Variants in DENND4A observed in about 807,000 individuals in gnomAD.
DENND4A encodes the protein DENN domain containing 4A, also known as C-myc promoter-binding protein.
In DENND4A, 70 loss-of-function variants were observed where a neutral mutation model predicts 199.3. The observed-to-expected ratio is 0.35, with a 90% CI of 0.29 to 0.43. The LOEUF (loss-of-function observed/expected upper bound fraction) is 0.43, where lower values mean the gene tolerates loss of function less well. DENND4A is among the 20% of genes least tolerant of loss of function. The pLI, the probability that DENND4A is intolerant of heterozygous loss-of-function variation, is 1.00. For synonymous variants in DENND4A, 686 were observed against 766.9 expected, an observed-to-expected ratio of 0.89 and a Z score of 1.74; for missense variants, 1,723 against 2,255.8, an observed-to-expected ratio of 0.76 and a Z score of 4.78.
intron 2 of DENND4A, among the ~76,000 whole-genome samples, chr15:65,760,095 C>G (rs909517286): frequency 6.6e-6 from 1 of 152,136 alleles, no homozygotes; most frequent in Non-Finnish European, 1.5e-5. Context: ...ATTATAAGCT[C>G]TAAATACACA....
intron 23 of DENND4A, among the ~76,000 whole-genome samples, 190 bp downstream of exon 23, chr15:65,690,225 C>A (rs907188029): frequency 3.9e-5 from 6 of 152,188 alleles, no homozygotes; most frequent in African/African-American, 1.4e-4. Flanking sequence ...ACAAATATAA[C>A]CTTAGTAAGT....
chr15:65,690,596 C>A lies in DENND4A; in HGVS notation c.3998G>T (p.Cys1333Phe). 1 of 1,613,528 alleles carries A rather than the reference C, an allele frequency of 6.2e-7. No homozygotes were observed. The highest frequency in any genetic ancestry group is 8.5e-7 in the Non-Finnish European group (1 of 1,179,702). The change falls in exon 23 of 33, where the codon TGC becomes TTC. Residue 1333 changes from cysteine (C) to phenylalanine (F), a missense_variant. Cys to Phe is a radical substitution (Grantham distance 205, BLOSUM62 -2). Around this residue, in one of 6 missense-constraint regions of DENND4A, gnomAD observed 650 missense variants for 738.1 expected, o/e 0.88. Transcript: ENST00000443035. ...LWSSPAFSPT[C>F]PFREESQDTL... is the part of the protein sequence containing the mutation. ...ATCCTGAGATTCTTCCCTAAATGGG[C>A]AAGTAGGTGAGAAGGCTGGAGAAGA...
chr15:65,669,817 T>A lies in DENND4A; in HGVS notation c.4749A>T (p.Thr1583=). 1 of 1,613,674 alleles carries A rather than the reference T, an allele frequency of 6.2e-7. No homozygotes were observed. Among genetic ancestry groups the A allele is most frequent in the African/African-American group, 1.3e-5 (1 of 75,040 alleles). The change falls in exon 27 of 33, where the codon ACA becomes ACT. Residue 1583 remains threonine, a synonymous_variant. Transcript: ENST00000443035. The part of the protein sequence containing the change: ...CISTSASGLD[T]SALSVQGNFD... ...AATTCCCTTGAACAGAGAGAGCAGA[T>A]GTGTCAAGACCAGAGGCTGATGTTG...
intron 13 of DENND4A, among the ~76,000 whole-genome samples, chr15:65,717,534 T>C (rs77441757): frequency 0.012 from 1,800 of 152,272 alleles, 47 homozygotes; most frequent in African/African-American, 0.042. Flanking sequence ...CACAAAAGTG[T>C]AGTCGGTATA....
chr15:65,764,990 A>C (rs1248694948), intron 1 of DENND4A, among the ~76,000 whole-genome samples: 1 of 151,932 alleles, frequency 6.6e-6, no homozygotes, highest in Admixed American at 6.6e-5. Flanking sequence ...AAAAAAAAAA[A>C]AGTAACATTT....
chr15:65,744,391 T>TG (rs2076333842), intron 4 of DENND4A, among the ~76,000 whole-genome samples: 1 of 152,154 alleles, frequency 6.6e-6, no homozygotes, highest in Non-Finnish European at 1.5e-5. Flanking sequence ...CGGTCTGAAA[T>TG]GGACACACAA....
At chr15:65,775,176 T>C (rs144337256) in intron 1 of DENND4A, among the ~76,000 whole-genome samples, 356 of 151,754 alleles carry the variant, frequency 2.3e-3, no homozygotes, top group African/African-American at 8.3e-3. Context: ...AGACCCCATC[T>C]CTACAAAAAA....
chr15:65,682,982 G>C (rs1345833393), intron 23 of DENND4A, among the ~76,000 whole-genome samples: 1 of 152,026 alleles, frequency 6.6e-6, no homozygotes, highest in Non-Finnish European at 1.5e-5. Context: ...ATAACATCAA[G>C]GATCATGGAT....
intron 6 of DENND4A, among the ~76,000 whole-genome samples, chr15:65,738,268 A>C (rs1438416530): frequency 6.6e-6 from 1 of 152,214 alleles, no homozygotes; most frequent in Admixed American, 6.5e-5. Flanking sequence ...ATGAAACTTT[A>C]GATAACGAAA....
At chr15:65,768,105 C>T (rs62014409) in intron 1 of DENND4A, among the ~76,000 whole-genome samples, 10,084 of 152,178 alleles carry the variant, frequency 0.066, 329 homozygotes, top group African/African-American at 0.085. Flanking sequence ...GTGATCCTCC[C>T]ACCTCAGCCT....
intron 11 of DENND4A, among the ~76,000 whole-genome samples, chr15:65,727,180 C>T (rs534003747): frequency 2.6e-5 from 4 of 151,408 alleles, no homozygotes; most frequent in East Asian, 2.0e-4. Context: ...TGACCGGGCG[C>T]GGTGGCTCAC....
At chr15:65,686,006 G>A (rs2076765733) in intron 23 of DENND4A, among the ~76,000 whole-genome samples, 2 of 152,222 alleles carry the variant, frequency 1.3e-5, no homozygotes, top group Non-Finnish European at 1.5e-5. Flanking sequence ...GCTATGCTGG[G>A]TCCTTCTATT....
At chr15:65,747,895 T>G (rs866572467) in intron 4 of DENND4A, among the ~76,000 whole-genome samples, 6 of 151,262 alleles carry the variant, frequency 4.0e-5, no homozygotes, top group Middle Eastern at 6.9e-3. Context: ...ACAAAAATAG[T>G]CAGGCGTGGT....
At position 65,691,362 on chromosome 15, in the gene DENND4A, GATT is replaced by G; in HGVS notation, c.3229_3231del (p.Asn1077del). 6.2e-7 allele frequency: 1 copy of G among 1,613,544 alleles called. No individual in the cohort carries two copies. On this transcript the variant is annotated inframe_deletion, in exon 23 of 33. Coordinates refer to ENST00000443035, the MANE Select transcript of DENND4A (RefSeq NM_001320835.1). ...AATCCCATCAGTACCCCTCCACTAA[GATT>G]ACGGTTTCTATTTCCCCAGACCACT...
intron 1 of DENND4A, among the ~76,000 whole-genome samples, chr15:65,775,795 A>G (rs1402319876): frequency 1.3e-5 from 2 of 152,154 alleles, no homozygotes; most frequent in Non-Finnish European, 2.9e-5. Flanking sequence ...AAAGGCAATC[A>G]TTACTACCAT....
chr15:65,679,853 C>T (rs903961306), intron 23 of DENND4A, among the ~76,000 whole-genome samples: 20 of 152,088 alleles, frequency 1.3e-4, no homozygotes, highest in Non-Finnish European at 1.5e-4. Context: ...ATGTACAGGG[C>T]GACCAAACAA....
intron 21 of DENND4A, 37 bp downstream of exon 21, chr15:65,697,230 C>T: frequency 7.8e-7 from 1 of 1,277,994 alleles, no homozygotes; most frequent in Non-Finnish European, 1.1e-6. Context: ...AATATAAGTT[C>T]TCAATTTTAT....
chr15:65,714,349 C>G (rs968752220), intron 14 of DENND4A, among the ~76,000 whole-genome samples: 1 of 151,302 alleles, frequency 6.6e-6, no homozygotes, highest in Non-Finnish European at 1.5e-5. Flanking sequence ...GGAGGCGGAG[C>G]TTGCAGTGAG....
chr15:65,669,702 A>C (rs1180096889), intron 27 of DENND4A, 77 bp downstream of exon 27: 5 of 1,287,028 alleles, frequency 3.9e-6, no homozygotes. Context: ...GAAATGGTCA[A>C]CTAATTTTTC....
Sources: allele counts gnomAD v4.1 joint callset (sites outside exome capture counted in the v4.1 genomes callset), GRCh38; gene constraint gnomAD v4.1.1; regional missense constraint gnomAD v4.1.1; transcripts MANE v1.5; gene names NCBI Gene and HGNC (gene_info 2026-07-23, HGNC 2026-07-21).